Variants in RORB observed in about 807,000 individuals in gnomAD.
The protein encoded by RORB is nuclear receptor ROR-beta.
RORB carries 6 observed loss-of-function variants against 59.1 expected under a neutral mutation model. That is an observed-to-expected ratio of 0.10 (90% CI 0.06 to 0.20). The LOEUF is 0.20. Ranked by LOEUF, RORB falls within the 10% of genes least tolerant of loss-of-function variation. The pLI is 1.00. For synonymous variants in RORB, 215 were observed against 204.5 expected (o/e 1.05, Z -0.44); for missense variants, 320 against 560.5 (o/e 0.57, Z 4.33).
At chr9:74,552,879 A>G (rs1826634564) in intron 1 of RORB, among the ~76,000 whole-genome samples, 1 of 152,154 alleles carries the variant, frequency 6.6e-6, no homozygotes, top group Non-Finnish European at 1.5e-5. Flanking sequence ...AAAGACTGGC[A>G]GTCATGGAAG....
chr9:74,655,574 G>A (rs1341236980), intron 4 of RORB, among the ~76,000 whole-genome samples: 2 of 152,190 alleles, frequency 1.3e-5, no homozygotes, highest in East Asian at 1.9e-4. Flanking sequence ...GGTCCCTAGA[G>A]AGGACTACAT....
At chr9:74,622,889 G>A (rs1282549365) in intron 1 of RORB, among the ~76,000 whole-genome samples, 2 of 152,084 alleles carry the variant, frequency 1.3e-5, no homozygotes, top group Non-Finnish European at 2.9e-5. Flanking sequence ...GGCACCCAGG[G>A]AAGGCCAATG....
chr9:74,681,257 G>T (rs958816879), intron 9 of RORB, among the ~76,000 whole-genome samples: 6 of 152,144 alleles, frequency 3.9e-5, no homozygotes, highest in Non-Finnish European at 5.9e-5. Context: ...TGAAATGGGG[G>T]TCCCCTGGCT....
chr9:74,634,814 A>G (rs777979119), intron 3 of RORB, 42 bp downstream of exon 3: 2 of 1,566,062 alleles, frequency 1.3e-6, no homozygotes, highest in Non-Finnish European at 1.7e-6. Flanking sequence ...GCCCTTTCAA[A>G]TGGATGCTTT....
intron 4 of RORB, 75 bp downstream of exon 4, chr9:74,642,890 T>C (rs1355375477): frequency 8.8e-7 from 1 of 1,140,528 alleles, no homozygotes; most frequent in Non-Finnish European, 1.2e-6. Flanking sequence ...TTTAGTATGG[T>C]AATTTTCTTA....
At chr9:74,673,306 G>A (rs1265055167) in intron 9 of RORB, among the ~76,000 whole-genome samples, 2 of 152,060 alleles carry the variant, frequency 1.3e-5, no homozygotes, top group Non-Finnish European at 2.9e-5. Context: ...CTGCATTTGG[G>A]ATCTCCTGAA....
chr9:74,524,003 CT>C lies in RORB; in HGVS notation c.7+26040del, dbSNP rs10666385. ...ACTTTATTCACTGAATCAACGACAC[CT>C]TTTTTTTTTTTTTTTTTTTACCAAA... On this transcript the variant is annotated intron_variant, in intron 1 of 9. Transcript: ENST00000376896. Among the ~76,000 whole-genome samples the C allele has an allele frequency of 7.6e-4, 94 of 124,260 alleles. 1 individual carries two copies. The highest frequency in any genetic ancestry group is 8.8e-3 in the Middle Eastern group (2 of 228). The allele number at this position is 124,260 out of a possible 152,430, so 81.5% of individuals were successfully genotyped here.
At chr9:74,597,068 C>A (rs1262553665) in intron 1 of RORB, among the ~76,000 whole-genome samples, 1 of 152,192 alleles carries the variant, frequency 6.6e-6, no homozygotes, top group African/African-American at 2.4e-5. Context: ...CTGGGACCTA[C>A]CCCAAGAGTT....
At chr9:74,555,871 A>C (rs759725463) in intron 1 of RORB, among the ~76,000 whole-genome samples, 1 of 152,240 alleles carries the variant, frequency 6.6e-6, no homozygotes, top group African/African-American at 2.4e-5. Context: ...CTGTAAGCCC[A>C]GCAGAAATTT....
At chr9:74,504,635 C>T (rs932511893) in intron 1 of RORB, among the ~76,000 whole-genome samples, 1 of 151,954 alleles carries the variant, frequency 6.6e-6, no homozygotes, top group South Asian at 2.1e-4. Context: ...GTTATGATAT[C>T]ATGTGGTCCT....
rs531481113 is a variant in RORB, at chr9:74,680,338, C to T, written c.1225-5125C>T. On this transcript the variant is annotated intron_variant, in intron 9 of 9. Transcript: ENST00000376896. ...CTGTAGGTATCTACTTCATTCTTCT[C>T]CCTCTCTGAGTACCAGTTTTCTGTG... is the stretch of plus-strand genomic sequence containing the variant. Among the ~76,000 whole-genome samples the T allele has an allele frequency of 3.9e-5, 6 of 152,272 alleles. No homozygotes were observed. In the East Asian group the frequency reaches 1.2e-3, roughly 29 times the overall value.
At chr9:74,541,888 T>A (rs1256094741) in intron 1 of RORB, among the ~76,000 whole-genome samples, 1 of 152,180 alleles carries the variant, frequency 6.6e-6, no homozygotes, top group East Asian at 1.9e-4. Context: ...TGACATTAGA[T>A]AATTTTTGAG....
intron 1 of RORB, among the ~76,000 whole-genome samples, chr9:74,622,589 C>T (rs989143534): frequency 7.2e-5 from 9 of 124,402 alleles, no homozygotes; most frequent in African/African-American, 2.2e-4. Flanking sequence ...TGCAGTGATG[C>T]GATCTCAGCT....
In RORB at chr9:74,642,949, A is replaced by G. The variant is rs191274997; in HGVS notation, c.637+134A>G. The G allele has an allele frequency of 5.9e-4, 350 of 590,456 alleles. 8 individuals carry two copies. Among genetic ancestry groups the G allele is most frequent in the African/African-American group, 5.6e-3 (297 of 52,842 alleles). 36.6% of individuals were successfully genotyped at this position (590,456 alleles called of 1,614,324 possible). A position where few individuals can be genotyped will look rare whatever the true frequency, so the allele number is the denominator to read the frequency against. ...TTCACAGCTTCTACTGAGAAAACAA[A>G]TTGATTTTTAAATATATTCTAATAA... On this transcript the variant is annotated intron_variant, in intron 4 of 9. Transcript: ENST00000376896.
At chr9:74,615,026 A>C (rs946865449) in intron 1 of RORB, among the ~76,000 whole-genome samples, 1 of 152,138 alleles carries the variant, frequency 6.6e-6, no homozygotes, top group African/African-American at 2.4e-5. Flanking sequence ...TTAGGTGTGC[A>C]TATTTTCTTA....
chr9:74,649,600 G>A (rs986792761), intron 4 of RORB, among the ~76,000 whole-genome samples: 11 of 152,080 alleles, frequency 7.2e-5, no homozygotes, highest in African/African-American at 1.9e-4. Flanking sequence ...TAATAACCCC[G>A]CAAAGATGGT....
At chr9:74,542,282 G>A (rs577369215) in intron 1 of RORB, among the ~76,000 whole-genome samples, 1 of 152,194 alleles carries the variant, frequency 6.6e-6, no homozygotes, top group Non-Finnish European at 1.5e-5. Flanking sequence ...TGTGATTCAA[G>A]AAATAAAAAG....
In RORB at chr9:74,624,074, TC is replaced by T. The variant is rs1823468167; in HGVS notation, c.8-6207del. Among the ~76,000 whole-genome samples the T allele has an allele frequency of 3.3e-5, 5 of 152,316 alleles. 1 individual carries two copies. The highest frequency in any genetic ancestry group is 1.2e-4 in the African/African-American group (5 of 41,574). ...TGTTCATATGTAAGATAAATCAGCC[TC>T]TATTGTGATAATCCTACACATGATG... On this transcript the variant is annotated intron_variant, in intron 1 of 9. Transcript: ENST00000376896.
chr9:74,572,548 C>T (rs1317326834), intron 1 of RORB, among the ~76,000 whole-genome samples: 1 of 152,082 alleles, frequency 6.6e-6, no homozygotes, highest in African/African-American at 2.4e-5. Context: ...GTGATGTTAT[C>T]ACCTTTGAAG....
Sources: allele counts gnomAD v4.1 joint callset (sites outside exome capture counted in the v4.1 genomes callset), GRCh38; gene constraint gnomAD v4.1.1; transcripts MANE v1.5; gene names NCBI Gene and HGNC (gene_info 2026-07-23, HGNC 2026-07-21).